The following CYBRD1 variants were observed in gnomAD, a reference collection of about 807,000 sequenced individuals.
CYBRD1 encodes plasma membrane ascorbate-dependent reductase CYBRD1.
CYBRD1 carries 14 observed loss-of-function variants against 21.9 expected under a neutral mutation model. That is an observed-to-expected ratio of 0.64 (90% CI 0.42 to 1.00). The LOEUF is 1.00. Among genes scored for constraint, CYBRD1 ranks in the 50% least tolerant of loss-of-function variants. The pLI, the probability that CYBRD1 is intolerant of heterozygous loss-of-function variation, is 0.00. For synonymous variants in CYBRD1, 146 were observed against 136.5 expected (o/e 1.07, Z -0.48); for missense variants, 328 against 352.5 (o/e 0.93, Z 0.56).
chr2:171,557,600 A>T lies in CYBRD1; in HGVS notation c.*2773A>T, dbSNP rs1174626952. The stretch of plus-strand genomic sequence containing the variant: ...TTCTTTCCTTTACTTGCGTGGTTTC[A>T]TGTAAGCTGTGCTGTTTAGAAACAA... On this transcript the variant is annotated 3_prime_UTR_variant, in exon 4 of 4. Transcript: ENST00000321348. The T allele has an allele frequency of 6.6e-6, 1 of 152,226 alleles. No homozygotes were observed. The highest frequency in any genetic ancestry group is 2.4e-5 in the African/African-American group (1 of 41,462). 9.4% of individuals were successfully genotyped at this position (152,226 alleles called of 1,614,324 possible).
In CYBRD1 at chr2:171,522,773, A is replaced by C; in HGVS notation, c.193+35A>C. 6 of 1,612,356 alleles carry C rather than the reference A, an allele frequency of 3.7e-6. No homozygotes were observed. The highest frequency in any genetic ancestry group is 3.4e-6 in the Non-Finnish European group (4 of 1,179,428). ...CCTCCTGGGGGGGTGCGGGGAGGAAAGCGGGGAGAACGGCGGGGGCAGAGG... is the reference window on the plus strand; with the variant it reads ...CCTCCTGGGGGGGTGCGGGGAGGAACGCGGGGAGAACGGCGGGGGCAGAGG... On this transcript the variant is annotated intron_variant, in intron 1 of 3. Coordinates refer to ENST00000321348, the MANE Select transcript of CYBRD1 (RefSeq NM_024843.4). This position sits in a 1 kb window ranked among gnomAD's most constrained non-coding sequence, Gnocchi z 4.3.
rs191821432 is a variant in CYBRD1, at chr2:171,536,264, C to T, written c.194-5321C>T. ...AGCGATTCTCTTGCCTCGGTCTCCC[C>T]AAGTAGCTGGGATTATAAGCACATG... is the stretch of plus-strand genomic sequence containing the variant. On this transcript the variant is annotated intron_variant, in intron 1 of 3. Transcript: ENST00000321348. 3.9e-5 allele frequency among the ~76,000 whole-genome samples: 6 copies of T among 151,944 alleles called. No individual in the cohort carries two copies. In the East Asian group the frequency reaches 1.2e-3, roughly 29 times the overall value.
chr2:171,539,156 G>A (rs1455638342), intron 1 of CYBRD1, among the ~76,000 whole-genome samples: 2 of 152,116 alleles, frequency 1.3e-5, no homozygotes, highest in Non-Finnish European at 2.9e-5. Context: ...AGCCTTTGGT[G>A]AAGTGAGGCT....
chr2:171,548,523 C>T (rs559750895), intron 2 of CYBRD1, among the ~76,000 whole-genome samples: 163 of 151,036 alleles, frequency 1.1e-3, no homozygotes, highest in South Asian at 2.3e-3. Flanking sequence ...AGGGGCAAAA[C>T]GTATGTGGAA....
rs1027900341 is a variant in CYBRD1 at position 171,526,604 on chromosome 2, A to T, written c.193+3866A>T. ...CTAACATGAATGAGGAAGGGTTTAG[A>T]AGAGGCTTTGTGCTTCTCTGAAAGA... On this transcript the variant is annotated intron_variant, in intron 1 of 3. Transcript: ENST00000321348. Among the ~76,000 whole-genome samples the T allele has an allele frequency of 2.6e-5, 4 of 152,230 alleles. No homozygotes were observed. In the East Asian group the frequency reaches 5.8e-4, roughly 22 times the overall value.
chr2:171,524,203 ATCGGCATCAGGGTGTGAGC>A (rs1697352809), intron 1 of CYBRD1, among the ~76,000 whole-genome samples: 1 of 39,266 alleles, frequency 2.5e-5, no homozygotes, highest in South Asian at 9.7e-4. Context: ...AGGGTGTGAG[ATCGGCATCAGGGTGTGAGC>A]ACCACTGGGC....
At chr2:171,535,409 G>A (rs778682768) in intron 1 of CYBRD1, among the ~76,000 whole-genome samples, 11 of 152,182 alleles carry the variant, frequency 7.2e-5, no homozygotes, top group East Asian at 5.8e-4. Flanking sequence ...GCCAATTTGC[G>A]TAAATGTAAA....
At chr2:171,533,704 A>G (rs1490351332) in intron 1 of CYBRD1, among the ~76,000 whole-genome samples, 1 of 151,780 alleles carries the variant, frequency 6.6e-6, no homozygotes, top group Admixed American at 6.6e-5. Context: ...ACATTTTCAC[A>G]TATTCCCAAG....
intron 1 of CYBRD1, among the ~76,000 whole-genome samples, chr2:171,529,752 T>A (rs1435592796): frequency 1.3e-5 from 2 of 152,054 alleles, no homozygotes; most frequent in African/African-American, 4.8e-5. Flanking sequence ...TCTGCACTGG[T>A]GAGATCAGAG....
chr2:171,524,175 TGGTGTGAGATCGGCATCAG>T (rs11274272), intron 1 of CYBRD1, among the ~76,000 whole-genome samples: 34,044 of 84,482 alleles, frequency 0.4, 4,451 homozygotes, highest in East Asian at 0.73. Flanking sequence ...AAGGCTTCCC[TGGTGTGAGATCGGCATCAG>T]GGTGTGAGAT....
In CYBRD1 at chr2:171,554,702, A is replaced by G. The variant is rs1333550007; in HGVS notation, c.736A>G (p.Arg246Gly). ...AAATGGAGGCACTGAACAGGGAGCA[A>G]GAGGTTCCATGCCAGCCTACTCTGG... The part of the protein sequence containing the change: ...HPNGGTEQGA[R>G]GSMPAYSGNN... Residue 246 changes from arginine to glycine, a missense_variant, in exon 4 of 4, where the codon AGA becomes GGA. Physicochemically the swap from Arg to Gly is moderately radical, Grantham distance 125 (BLOSUM62 -2). Transcript: ENST00000321348. The G allele has an allele frequency of 6.2e-7, 1 of 1,614,086 alleles. No homozygotes were observed. Among genetic ancestry groups the G allele is most frequent in the Middle Eastern group, 1.6e-4 (1 of 6,062 alleles).
Position 171,541,571 on chromosome 2 carries a change from T to C in CYBRD1, c.194-14T>C, listed in dbSNP as rs780028338. On this transcript the variant is annotated splice_polypyrimidine_tract_variant and intron_variant, in intron 1 of 3. Transcript: ENST00000321348. ...AAAACAAAACACATTCTGTGTCCTT[T>C]CGTCTTTCCCTAGCCATCATCGTCT... 6.2e-7 allele frequency: 1 copy of C among 1,612,498 alleles called. No homozygotes were observed. Among genetic ancestry groups the C allele is most frequent in the Non-Finnish European group, 8.5e-7 (1 of 1,178,758 alleles).
intron 2 of CYBRD1, among the ~76,000 whole-genome samples, chr2:171,551,730 T>C (rs563851865): frequency 6.6e-6 from 1 of 152,344 alleles, no homozygotes; most frequent in African/African-American, 2.4e-5. Flanking sequence ...GTAGAGTTGT[T>C]GTCTCCAACT....
intron 2 of CYBRD1, among the ~76,000 whole-genome samples, chr2:171,551,569 A>G (rs1159134509): frequency 1.3e-5 from 2 of 152,226 alleles, no homozygotes; most frequent in African/African-American, 2.4e-5. Context: ...GAATCAATGC[A>G]TCAAATTCCA....
intron 1 of CYBRD1, among the ~76,000 whole-genome samples, chr2:171,527,165 T>C (rs985614241): frequency 1.3e-5 from 2 of 152,210 alleles, no homozygotes; most frequent in Non-Finnish European, 2.9e-5. Context: ...ATCCTATCAA[T>C]ATTAGCGATA....
At chr2:171,528,485 C>T (rs1382468008) in intron 1 of CYBRD1, among the ~76,000 whole-genome samples, 6 of 148,892 alleles carry the variant, frequency 4.0e-5, no homozygotes, top group African/African-American at 1.5e-4. Flanking sequence ...CTGGCTGCCC[C>T]ATCCTCAGTC....
chr2:171,540,642 GTGTTTT>G (rs1559317149), intron 1 of CYBRD1, among the ~76,000 whole-genome samples: 1 of 151,970 alleles, frequency 6.6e-6, no homozygotes, highest in African/African-American at 2.4e-5. Flanking sequence ...TTGATACTTG[GTGTTTT>G]CCAGGTTTAG....
At chr2:171,540,106 C>T (rs1697607255) in intron 1 of CYBRD1, among the ~76,000 whole-genome samples, 1 of 152,148 alleles carries the variant, frequency 6.6e-6, no homozygotes, top group South Asian at 2.1e-4. Flanking sequence ...GAAACCAGCA[C>T]CTAGATTGAG....
In CYBRD1 at chr2:171,556,379, G is replaced by T. The variant is rs568287776; in HGVS notation, c.*1552G>T. 6.6e-6 allele frequency: 1 copy of T among 152,242 alleles called. No homozygotes were observed. The highest frequency in any genetic ancestry group is 1.9e-4 in the East Asian group (1 of 5,188). The allele number at this position is 152,242 out of a possible 1,614,324, so 9.4% of individuals were successfully genotyped here. A position where few individuals can be genotyped will look rare whatever the true frequency, so the allele number is the denominator to read the frequency against. The stretch of plus-strand genomic sequence containing the variant: ...TTGGAGGTGACTTTTCATGTTTGGA[G>T]TATCATCTCTGTCTGGGATCTGGGC... On this transcript the variant is annotated 3_prime_UTR_variant, in exon 4 of 4. Transcript: ENST00000321348.
Sources: gnomAD v4.1 joint callset for allele counts (sites outside exome capture counted in the v4.1 genomes callset) on GRCh38, gnomAD v4.1.1 for gene constraint, Gnocchi (gnomAD v3.1) non-coding constraint, MANE v1.5 for transcripts, NCBI Gene and HGNC (gene_info 2026-07-23, HGNC 2026-07-21) for gene names.